The following CCSER1 variants were observed in gnomAD, a reference collection of about 807,000 sequenced individuals.
CCSER1 encodes the protein serine-rich coiled-coil domain-containing protein 1.
CCSER1 carries 41 observed loss-of-function variants against 82.0 expected under a neutral mutation model. The ratio of observed to expected loss-of-function variants is 0.50; its 90% CI spans 0.39 to 0.65. The LOEUF (loss-of-function observed/expected upper bound fraction) is 0.65, where lower values mean the gene tolerates loss of function less well. Among genes scored for constraint, CCSER1 ranks in the 30% least tolerant of loss-of-function variants. CCSER1 has a pLI of 0.00. For synonymous variants in CCSER1, 414 were observed against 383.9 expected (o/e 1.08, Z -0.92); for missense variants, 1,119 against 1,064.2 (o/e 1.05, Z -0.72).
rs111935388 is a variant in CCSER1 at position 91,102,905 on chromosome 4, T to C, written c.2217+16911T>C. Among the ~76,000 whole-genome samples the C allele has an allele frequency of 9.1e-3, 1,383 of 152,316 alleles. 23 individuals are homozygous for C. The highest frequency in any genetic ancestry group is 0.032 in the African/African-American group (1,315 of 41,566). On this transcript the variant is annotated intron_variant, in intron 10 of 10. Transcript: ENST00000509176. ...TTACAAATAGAAGCTAATTGCCACC[T>C]CAAAAATATAGAGAAGAAAACAAAC...
chr4:90,396,652 A>G (rs992321929), intron 3 of CCSER1, among the ~76,000 whole-genome samples: 3 of 151,936 alleles, frequency 2.0e-5, no homozygotes, highest in African/African-American at 4.8e-5. Flanking sequence ...TTTCATGCTC[A>G]TATTGCCAGA....
intron 6 of CCSER1, among the ~76,000 whole-genome samples, chr4:90,659,435 GAAAT>G (rs1452190727): frequency 6.6e-6 from 1 of 151,976 alleles, no homozygotes; most frequent in Non-Finnish European, 1.5e-5. Context: ...GATTTAATGA[GAAAT>G]AAATGTAAAG....
At chr4:90,706,221 C>T (rs1209435619) in intron 6 of CCSER1, among the ~76,000 whole-genome samples, 1 of 152,092 alleles carries the variant, frequency 6.6e-6, no homozygotes, top group Non-Finnish European at 1.5e-5. Flanking sequence ...TGTAACAACC[C>T]TAATGGACTA....
intron 9 of CCSER1, among the ~76,000 whole-genome samples, chr4:90,988,404 T>G (rs1736756860): frequency 6.6e-6 from 1 of 151,066 alleles, no homozygotes; most frequent in Admixed American, 6.6e-5. Flanking sequence ...TCTTGACATT[T>G]TTTTTGGTTC....
At chr4:90,782,809 G>A (rs1753978051) in intron 7 of CCSER1, among the ~76,000 whole-genome samples, 2 of 150,192 alleles carry the variant, frequency 1.3e-5, no homozygotes, top group African/African-American at 4.9e-5. Flanking sequence ...AGCCTTCCGA[G>A]TAGCTGGGAC....
chr4:90,411,676 A>AATGATT (rs1560476549), intron 4 of CCSER1, among the ~76,000 whole-genome samples: 9 of 152,154 alleles, frequency 5.9e-5, no homozygotes, highest in African/African-American at 2.2e-4. Flanking sequence ...TACTGAATGG[A>AATGATT]CAAAAACTGG....
At chr4:90,776,252 C>T (rs1444398080) in intron 7 of CCSER1, among the ~76,000 whole-genome samples, 1 of 152,056 alleles carries the variant, frequency 6.6e-6, no homozygotes, top group Non-Finnish European at 1.5e-5. Context: ...GCAAATCTTA[C>T]TTTTTGTTTT....
In CCSER1 at chr4:90,254,944, A is replaced by G. The variant is rs184295032; in HGVS notation, c.-41-53300A>G. On this transcript the variant is annotated intron_variant, in intron 1 of 10. Coordinates refer to ENST00000509176, the MANE Select transcript of CCSER1 (RefSeq NM_001145065.2). ...CTAAAATATCTGTATGTTTTTTAAAAGTATATGTTGATATACATATCAACA... is the reference window on the plus strand; with the variant it reads ...CTAAAATATCTGTATGTTTTTTAAAGGTATATGTTGATATACATATCAACA... 1.6e-4 allele frequency among the ~76,000 whole-genome samples: 25 copies of G among 151,538 alleles called. No individual in the cohort carries two copies. In the East Asian group the frequency reaches 4.5e-3, roughly 27 times the overall value.
At position 90,809,583 on chromosome 4, in the gene CCSER1, T is replaced by C. The variant is rs150963980; in HGVS notation, c.2011-6179T>C. On this transcript the variant is annotated intron_variant, in intron 7 of 10. Transcript: ENST00000509176. ...GTGAAAAATTACCTATTGGGTACAA[T>C]GTACACTATTTAAGTGATAAGTACA... 1.2e-4 allele frequency among the ~76,000 whole-genome samples: 19 copies of C among 152,198 alleles called. No homozygotes were observed. In the East Asian group the frequency reaches 3.7e-3, roughly 29 times the overall value.
chr4:90,566,062 T>C (rs1779341658), intron 5 of CCSER1, among the ~76,000 whole-genome samples: 1 of 151,528 alleles, frequency 6.6e-6, no homozygotes, highest in Non-Finnish European at 1.5e-5. Flanking sequence ...TGGACCATGT[T>C]AGTCAAGTTG....
At chr4:90,364,305 T>C (rs1201156216) in intron 3 of CCSER1, among the ~76,000 whole-genome samples, 1 of 152,058 alleles carries the variant, frequency 6.6e-6, no homozygotes, top group Non-Finnish European at 1.5e-5. Context: ...CTCACATTTT[T>C]CCCACTAACT....
chr4:90,866,608 G>C (rs1325751740), intron 8 of CCSER1, among the ~76,000 whole-genome samples: 1 of 152,012 alleles, frequency 6.6e-6, no homozygotes, highest in Non-Finnish European at 1.5e-5. Context: ...AAATTTTCTT[G>C]TGTGTAGCAA....
At chr4:91,075,704 G>C (rs1721922294) in intron 9 of CCSER1, among the ~76,000 whole-genome samples, 1 of 152,112 alleles carries the variant, frequency 6.6e-6, no homozygotes, top group East Asian at 1.9e-4. Context: ...AAAATGCAAA[G>C]GATTTTTTTG....
At chr4:90,234,480 G>A (rs1424749615) in intron 1 of CCSER1, among the ~76,000 whole-genome samples, 1 of 152,130 alleles carries the variant, frequency 6.6e-6, no homozygotes, top group African/African-American at 2.4e-5. Flanking sequence ...GCCTCCCAAA[G>A]TGCTAGGATT....
chr4:91,372,678 T>C (rs1224322139), intron 10 of CCSER1, among the ~76,000 whole-genome samples: 3 of 152,166 alleles, frequency 2.0e-5, no homozygotes, highest in African/African-American at 7.2e-5. Flanking sequence ...ATTTGAAAAC[T>C]ACTTAAATTC....
chr4:91,105,348 G>T (rs969469443), intron 10 of CCSER1, among the ~76,000 whole-genome samples: 1 of 151,602 alleles, frequency 6.6e-6, no homozygotes, highest in African/African-American at 2.4e-5. Context: ...AGAGCTTCTT[G>T]TTCTCTTCAA....
At chr4:90,165,203 A>C (rs890753854) in intron 1 of CCSER1, among the ~76,000 whole-genome samples, 4 of 152,070 alleles carry the variant, frequency 2.6e-5, no homozygotes, top group African/African-American at 9.7e-5. Flanking sequence ...AAGTTTCACT[A>C]TACACAATAG....
intron 1 of CCSER1, among the ~76,000 whole-genome samples, chr4:90,260,372 A>G (rs1366555068): frequency 1.3e-5 from 2 of 152,114 alleles, no homozygotes; most frequent in African/African-American, 4.8e-5. Flanking sequence ...GTCTTCCACT[A>G]TTATTGTGCT....
intron 1 of CCSER1, among the ~76,000 whole-genome samples, chr4:90,205,414 G>T (rs992782310): frequency 2.0e-4 from 30 of 150,374 alleles, no homozygotes; most frequent in African/African-American, 7.0e-4. Flanking sequence ...GGGTGTTGAA[G>T]CAGAAAGGTA....
Sources: allele counts gnomAD v4.1 joint callset (sites outside exome capture counted in the v4.1 genomes callset), GRCh38; gene constraint gnomAD v4.1.1; transcripts MANE v1.5; gene names NCBI Gene and HGNC (gene_info 2026-07-23, HGNC 2026-07-21).